Variants in TCF20 observed in about 807,000 individuals in gnomAD.
TCF20 encodes the protein SPRE-binding protein.
TCF20 carries 3 observed loss-of-function variants against 148.6 expected under a neutral mutation model. The observed-to-expected ratio is 0.02, with a 90% CI of 0.01 to 0.05. The LOEUF (loss-of-function observed/expected upper bound fraction) is 0.05. TCF20 is among the 10% of genes least tolerant of loss of function. The pLI is 1.00. For missense variants in TCF20, 2,350 were observed against 2,429.3 expected, an observed-to-expected ratio of 0.97 and a Z score of 0.69; for synonymous variants, 1,049 against 909.5, an observed-to-expected ratio of 1.15 and a Z score of -2.76.
At chr22:42,318,561 G>A (rs774193289) in intron 1 of TCF20, among the ~76,000 whole-genome samples, 4 of 152,136 alleles carry the variant, frequency 2.6e-5, no homozygotes, top group Non-Finnish European at 4.4e-5. Flanking sequence ...GATGATTCCA[G>A]GGAGCAGGCC....
chr22:42,255,236 C>T (rs572195947), intron 1 of TCF20, among the ~76,000 whole-genome samples: 39 of 152,170 alleles, frequency 2.6e-4, no homozygotes, highest in Middle Eastern at 3.4e-3. Context: ...CCTGTAATCC[C>T]AGCACTTTGG....
intron 1 of TCF20, among the ~76,000 whole-genome samples, chr22:42,295,289 G>C (rs554158249): frequency 6.6e-6 from 1 of 152,146 alleles, no homozygotes; most frequent in South Asian, 2.1e-4. Flanking sequence ...CACCCTCTGT[G>C]AGCCAGCCCT....
intron 1 of TCF20, among the ~76,000 whole-genome samples, chr22:42,321,456 G>A (rs1927731497): frequency 1.3e-5 from 2 of 152,038 alleles, no homozygotes; most frequent in Non-Finnish European, 2.9e-5. Context: ...CTACACCCCT[G>A]TCCACTCTTC....
chr22:42,210,337 GTTC>G lies in TCF20; in HGVS notation c.4966_4968del (p.Glu1656del), dbSNP rs1260909503. ...TTCCTGCCCCTCACTAATTTGGTCTGTTCTTCTTCCTCAGCATTGATGATTGTA... is the reference window on the plus strand; with the variant it reads ...TTCCTGCCCCTCACTAATTTGGTCTGTTCTTCCTCAGCATTGATGATTGTA... On this transcript the variant is annotated inframe_deletion, in exon 2 of 6. Coordinates refer to ENST00000677622, the MANE Select transcript of TCF20 (RefSeq NM_001378418.1). The surrounding 1 kb of genome is among the most constrained non-coding windows in gnomAD (Gnocchi z 4.7). 7 of 1,614,222 alleles carry G rather than the reference GTTC, an allele frequency of 4.3e-6. No homozygotes were observed. The highest frequency in any genetic ancestry group is 1.7e-5 in the Admixed American group (1 of 60,032).
rs1407708581 is a variant in TCF20 at position 42,212,450 on chromosome 22, A to G, written c.2856T>C (p.His952=). 6 of 1,614,064 alleles carry G rather than the reference A, an allele frequency of 3.7e-6. No homozygotes were observed. Among genetic ancestry groups the G allele is most frequent in the Middle Eastern group, 1.6e-4 (1 of 6,084 alleles). ...AAGACTCATGCTTGATGCTAGGAGG[A>G]TGGCAGTGGTCTCCAGATTTCTTGT... is the stretch of plus-strand genomic sequence containing the variant. The part of the protein sequence containing the change: ...FNNKKSGDHC[H]PPSIKHESYR... The change falls in exon 2 of 6, where the codon CAT becomes CAC. Residue 952 remains histidine (H), a synonymous_variant. Transcript: ENST00000677622.
Position 42,210,834 on chromosome 22 carries a change from A to G in TCF20, c.4472T>C (p.Phe1491Ser). The change falls in exon 2 of 6, where the codon TTT becomes TCT. Residue 1491 changes from phenylalanine (F) to serine (S), a missense_variant. Physicochemically the swap from Phe to Ser is radical, Grantham distance 155. This residue lies in a region of TCF20 where 231 missense variants were observed against 213.7 expected (regional missense o/e 1.08). Transcript: ENST00000677622. This position sits in a 1 kb window ranked among gnomAD's most constrained non-coding sequence, Gnocchi z 4.7. The part of the protein sequence containing the change: ...GSLGGTAPLI[F>S]PDSKNVPPVG... The stretch of plus-strand genomic sequence containing the variant: ...TGGAGGTACATTCTTTGAGTCTGGA[A>G]AGATTAAAGGTGCTGTTCCACCCAG... 1 of 1,614,146 alleles carries G rather than the reference A, an allele frequency of 6.2e-7. No individual in the cohort carries two copies. Among genetic ancestry groups the G allele is most frequent in the Admixed American group, 1.7e-5 (1 of 60,022 alleles).
rs769512836 is a variant in TCF20, at chr22:42,301,300, T to A, written c.-37+42179A>T. Among the ~76,000 whole-genome samples the A allele has an allele frequency of 2.1e-4, 32 of 152,306 alleles. 1 individual carries two copies. Among genetic ancestry groups the A allele is most frequent in the Non-Finnish European group, 2.6e-4 (18 of 68,016 alleles). Reference sequence around the variant, plus strand: ...ATTCATAGGTTCAACAAGTGTTTGCTGAGCACTTACTCTGTGCCACGCCCC... The same window carrying A: ...ATTCATAGGTTCAACAAGTGTTTGCAGAGCACTTACTCTGTGCCACGCCCC... On this transcript the variant is annotated intron_variant, in intron 1 of 1. Coordinates refer to the TCF20 transcript ENST00000515426.
At chr22:42,221,077 C>T (rs1030249474) in intron 1 of TCF20, among the ~76,000 whole-genome samples, 1 of 152,220 alleles carries the variant, frequency 6.6e-6, no homozygotes. Context: ...AAGCTGAGAA[C>T]TTCCGTTCCA....
At chr22:42,170,064 A>G (rs1471066725) in intron 3 of TCF20, among the ~76,000 whole-genome samples, 168 bp from the exon 4 acceptor site, 3 of 152,312 alleles carry the variant, frequency 2.0e-5, no homozygotes, top group Admixed American at 6.5e-5. Context: ...CCTTAACATG[A>G]TGGATATCGG....
chr22:42,185,321 C>G (rs1936992989), intron 2 of TCF20, among the ~76,000 whole-genome samples: 1 of 152,208 alleles, frequency 6.6e-6, no homozygotes, highest in Non-Finnish European at 1.5e-5. Context: ...CTCCCCTAAA[C>G]TGTGAGACTT....
At chr22:42,285,646 T>A (rs192149044), upstream of TCF20, among the ~76,000 whole-genome samples, 207 of 152,082 alleles carry the variant, frequency 1.4e-3, no homozygotes, top group Middle Eastern at 0.017. The surrounding 1 kb of genome is among the most constrained non-coding windows in gnomAD (Gnocchi z 4.2). Context: ...TATTATTTTA[T>A]TTTTTTTGTA....
In TCF20 at chr22:42,292,821, T is replaced by C. The variant is rs1180772826; in HGVS notation, c.-37+50658A>G. Among the ~76,000 whole-genome samples, 1 of 151,048 alleles carries C rather than the reference T, an allele frequency of 6.6e-6. No individual in the cohort carries two copies. Among genetic ancestry groups the C allele is most frequent in the East Asian group, 2.0e-4 (1 of 5,124 alleles). ...GCACTAGCCCAGGCCCAGGAGAATCTACTGAATGACCGGGTCTCAGCTTGA... is the reference window on the plus strand; with the variant it reads ...GCACTAGCCCAGGCCCAGGAGAATCCACTGAATGACCGGGTCTCAGCTTGA... On this transcript the variant is annotated intron_variant, in intron 1 of 1. Transcript: ENST00000515426. The surrounding 1 kb of genome is among the most constrained non-coding windows in gnomAD (Gnocchi z 4.9).
rs545502631 is a variant in TCF20 at position 42,231,891 on chromosome 22, C to T, written c.-36-16550G>A. 5.0e-4 allele frequency among the ~76,000 whole-genome samples: 72 copies of T among 143,918 alleles called. 4 individuals carry two copies. In the South Asian group the frequency reaches 0.01, roughly 20 times the overall value. The allele number at this position is 143,918 out of a possible 152,430, so 94.4% of individuals were successfully genotyped here. On this transcript the variant is annotated intron_variant, in intron 1 of 5. Coordinates refer to ENST00000677622, the MANE Select transcript of TCF20 (RefSeq NM_001378418.1). ...TTGCAGTGAGCCAAGATCAAGCCAC[C>T]GCACTCCAGCCTGGGCGACAGAGAG...
At chr22:42,238,405 C>T (rs929229421) in intron 1 of TCF20, among the ~76,000 whole-genome samples, 35 of 152,208 alleles carry the variant, frequency 2.3e-4, no homozygotes, top group African/African-American at 8.2e-4. Flanking sequence ...TCCATATCAG[C>T]AATAAGCTGT....
chr22:42,179,494 A>C (rs1289003083), intron 3 of TCF20, 115 bp downstream of exon 3: 3 of 467,772 alleles, frequency 6.4e-6, no homozygotes, highest in African/African-American at 6.3e-5. Flanking sequence ...AAGTGACAAA[A>C]AAAAAAAAAA....
intron 3 of TCF20, among the ~76,000 whole-genome samples, chr22:42,173,361 T>C (rs1936248989): frequency 6.6e-6 from 1 of 151,658 alleles, no homozygotes; most frequent in Non-Finnish European, 1.5e-5. Context: ...ATGTCAGAAA[T>C]GCAGGGTCAA....
At chr22:42,252,759 G>T (rs1925485380) in intron 1 of TCF20, among the ~76,000 whole-genome samples, 1 of 152,148 alleles carries the variant, frequency 6.6e-6, no homozygotes, top group South Asian at 2.1e-4. Flanking sequence ...GCCTTTAAAA[G>T]CTTTTTTAAC....
At chr22:42,285,524 C>A (rs1371464759), upstream of TCF20, among the ~76,000 whole-genome samples, 1 of 152,086 alleles carries the variant, frequency 6.6e-6, no homozygotes, top group Non-Finnish European at 1.5e-5. The surrounding 1 kb of genome is among the most constrained non-coding windows in gnomAD (Gnocchi z 4.2). Context: ...CATTCCGCAG[C>A]CCTTCTAGAT....
At chr22:42,282,566 G>C (rs1278105180) in intron 1 of TCF20, among the ~76,000 whole-genome samples, 1 of 152,216 alleles carries the variant, frequency 6.6e-6, no homozygotes, top group Non-Finnish European at 1.5e-5. Flanking sequence ...TCCCAGCCTC[G>C]GTCCCAGGTT....
Sources: gnomAD v4.1 joint callset for allele counts (sites outside exome capture counted in the v4.1 genomes callset) on GRCh38, gnomAD v4.1.1 for gene constraint, gnomAD v4.1.1 regional missense constraint, Gnocchi (gnomAD v3.1) non-coding constraint, MANE v1.5 for transcripts, NCBI Gene and HGNC (gene_info 2026-07-23, HGNC 2026-07-21) for gene names.